The following DTX2 variants were observed in gnomAD, a reference collection of about 807,000 sequenced individuals.
The protein encoded by DTX2 is deltex E3 ubiquitin ligase 2.
DTX2 carries 29 observed loss-of-function variants against 55.3 expected under a neutral mutation model. The observed-to-expected ratio is 0.52, with a 90% CI of 0.39 to 0.71. The LOEUF is 0.71. Among genes scored for constraint, DTX2 ranks in the 30% least tolerant of loss-of-function variants. DTX2 has a pLI of 0.00. For synonymous variants in DTX2, 276 were observed against 340.4 expected (o/e 0.81, Z 2.08); for missense variants, 537 against 822.5 (o/e 0.65, Z 4.25).
chr7:76,490,392 T>C lies in DTX2; in HGVS notation c.909-1761T>C, dbSNP rs1810292252. The stretch of plus-strand genomic sequence containing the variant: ...CTTAACTAAAGGTTTTTTTTTTCTT[T>C]CTTGATTTTTCACCAATTTCCCACT... On this transcript the variant is annotated intron_variant, in intron 4 of 10. Coordinates refer to ENST00000430490, the MANE Select transcript of DTX2 (RefSeq NM_001102594.3). Among the ~76,000 whole-genome samples, 3 of 92,646 alleles carry C rather than the reference T, an allele frequency of 3.2e-5. 1 individual carries two copies. Among genetic ancestry groups the C allele is most frequent in the Non-Finnish European group, 6.6e-5 (3 of 45,166 alleles). The allele number at this position is 92,646 out of a possible 152,430, so 60.8% of individuals were successfully genotyped here.
chr7:76,471,440 T>C (rs1322916041), intron 2 of DTX2, among the ~76,000 whole-genome samples: 53 of 150,670 alleles, frequency 3.5e-4, no homozygotes, highest in Non-Finnish European at 5.8e-4. Flanking sequence ...GGATTACAGG[T>C]GTGAGCCACC....
chr7:76,473,197 G>T (rs1808148880), intron 2 of DTX2, among the ~76,000 whole-genome samples: 1 of 151,880 alleles, frequency 6.6e-6, no homozygotes, highest in African/African-American at 2.4e-5. Context: ...TGATATGTTT[G>T]TGTCAGGATT....
At chr7:76,467,891 G>T (rs1275564657) in intron 2 of DTX2, among the ~76,000 whole-genome samples, 7 of 152,372 alleles carry the variant, frequency 4.6e-5, no homozygotes, top group Middle Eastern at 3.4e-3. Context: ...CATTCTCAGT[G>T]GGGGACGAAG....
intron 2 of DTX2, among the ~76,000 whole-genome samples, chr7:76,468,758 A>ATTTTTTTTTTTTTTTTTTTT (rs3972784): frequency 1.2e-3 from 33 of 27,016 alleles, no homozygotes; most frequent in East Asian, 5.1e-3. Context: ...CACGCCCAGC[A>ATTTTTTTTTTTTTTTTTTTT]TTTTTTTTTT....
At chr7:76,466,604 T>C (rs1807211785) in intron 2 of DTX2, among the ~76,000 whole-genome samples, 2 of 148,540 alleles carry the variant, frequency 1.3e-5, no homozygotes, top group African/African-American at 2.5e-5. Flanking sequence ...TTTTTTTTTT[T>C]CTTTGAGGCA....
At chr7:76,474,181 TTTTTTC>T (rs147079258) in intron 2 of DTX2, among the ~76,000 whole-genome samples, 35 of 146,784 alleles carry the variant, frequency 2.4e-4, no homozygotes, top group South Asian at 1.9e-3. Flanking sequence ...GCCTACTTTT[TTTTTTC>T]TTTTTCTTTT....
intron 2 of DTX2, among the ~76,000 whole-genome samples, chr7:76,477,872 C>T (rs1425996050): frequency 6.7e-6 from 1 of 148,474 alleles, no homozygotes; most frequent in Non-Finnish European, 1.5e-5. Flanking sequence ...GTATGTGTGA[C>T]CTTGAGTTAT....
At chr7:76,504,680 G>C (rs1406713724) in intron 10 of DTX2, among the ~76,000 whole-genome samples, 33 of 152,228 alleles carry the variant, frequency 2.2e-4, no homozygotes, top group Non-Finnish European at 5.9e-5. Flanking sequence ...GGTGGGGTCA[G>C]GAGCTCCTGA....
At chr7:76,495,430 G>A (rs1380135746) in intron 5 of DTX2, among the ~76,000 whole-genome samples, 1 of 152,110 alleles carries the variant, frequency 6.6e-6, no homozygotes, top group Non-Finnish European at 1.5e-5. Flanking sequence ...GTGGCCCTCC[G>A]AGTTATTCAG....
At chr7:76,475,515 C>A (rs1315894773) in intron 2 of DTX2, among the ~76,000 whole-genome samples, 1 of 142,462 alleles carries the variant, frequency 7.0e-6, no homozygotes, top group African/African-American at 2.6e-5. Flanking sequence ...GGCAAAACCA[C>A]ATCTCTACTG....
At chr7:76,502,578 T>G (rs1246392028) in intron 8 of DTX2, 122 bp downstream of exon 8, 1 of 1,156,114 alleles carries the variant, frequency 8.6e-7, no homozygotes, top group East Asian at 2.6e-5. Flanking sequence ...AAGATGGTGC[T>G]GGGCGTGGGG....
rs1355561999 is a variant in DTX2, at chr7:76,505,805, C to T, written c.*204C>T. On this transcript the variant is annotated 3_prime_UTR_variant, in exon 11 of 11. Transcript: ENST00000430490. This position sits in a 1 kb window ranked among gnomAD's most constrained non-coding sequence, Gnocchi z 4.4. Reference sequence around the variant, plus strand: ...TTGGGCAGCCCTGGGCAGTTGTACTCATGGGGGCTTAGGATGCAGCTACCT... The same window carrying T: ...TTGGGCAGCCCTGGGCAGTTGTACTTATGGGGGCTTAGGATGCAGCTACCT... The T allele has an allele frequency of 7.9e-6, 5 of 631,756 alleles. No individual in the cohort carries two copies. The East Asian group carries it at 1.4e-4, about 17-fold the overall frequency. The allele number at this position is 631,756 out of a possible 1,614,324, so 39.1% of individuals were successfully genotyped here.
At chr7:76,500,944 C>CGG in intron 7 of DTX2, among the ~76,000 whole-genome samples, 1 of 152,304 alleles carries the variant, frequency 6.6e-6, no homozygotes, top group East Asian at 1.9e-4. Flanking sequence ...TTCTTAAAGA[C>CGG]GGGTGCACAC....
intron 2 of DTX2, among the ~76,000 whole-genome samples, chr7:76,473,516 A>C (rs1266734804): frequency 9.9e-5 from 11 of 111,278 alleles, no homozygotes; most frequent in African/African-American, 3.7e-4. Context: ...GAACTCTCCC[A>C]TTTTGCAGTC....
intron 2 of DTX2, among the ~76,000 whole-genome samples, chr7:76,473,959 T>C (rs1399361644): frequency 4.7e-4 from 65 of 137,256 alleles, no homozygotes; most frequent in South Asian, 1.3e-3. Flanking sequence ...TTCACTCTTA[T>C]TGCCCAGGCT....
chr7:76,491,296 A>ATT (rs565898747), intron 4 of DTX2, among the ~76,000 whole-genome samples: 5 of 111,530 alleles, frequency 4.5e-5, no homozygotes, highest in East Asian at 2.5e-4. Context: ...GCACCCAGCC[A>ATT]TTTTTTTTTT....
rs779399752 is a variant in DTX2 at position 76,483,084 on chromosome 7, C to T, written c.845C>T (p.Ser282Phe). 3.7e-6 allele frequency: 6 copies of T among 1,613,100 alleles called. No individual in the cohort carries two copies. The highest frequency in any genetic ancestry group is 2.7e-5 in the African/African-American group (2 of 74,924). The change falls in exon 4 of 11, where the codon TCC (serine) becomes TTC (phenylalanine). Residue 282 changes from serine to phenylalanine, a missense_variant. By Grantham distance (155) the Ser-to-Phe change is radical (BLOSUM62 -2). Coordinates refer to ENST00000430490, the MANE Select transcript of DTX2 (RefSeq NM_001102594.3). ...CTGGGGAGCCAGCCCCTCTACCGCTCCAGCCTCTCCCACCTGGGACCGCAG... is the reference window on the plus strand; with the variant it reads ...CTGGGGAGCCAGCCCCTCTACCGCTTCAGCCTCTCCCACCTGGGACCGCAG... The part of the protein sequence containing the change: ...PSLGSQPLYR[S>F]SLSHLGPQHL...
Position 76,480,599 on chromosome 7 carries a change from C to G in DTX2, c.90C>G (p.Thr30=). ...GGGAATGGCAGGACGGGCTGGGCAC[C>G]TGGCACCCCTACAGTGCCACCGTCT... ...AVWEWQDGLG[T]WHPYSATVCS... The change falls in exon 3 of 11, where the codon ACC becomes ACG. Residue 30 remains threonine (T), a synonymous_variant. Coordinates refer to ENST00000430490, the MANE Select transcript of DTX2 (RefSeq NM_001102594.3). 1.9e-6 allele frequency: 3 copies of G among 1,613,156 alleles called. No homozygotes were observed. The highest frequency in any genetic ancestry group is 2.5e-6 in the Non-Finnish European group (3 of 1,179,962).
intron 4 of DTX2, among the ~76,000 whole-genome samples, chr7:76,491,305 T>C (rs1810415878): frequency 6.8e-6 from 1 of 147,150 alleles, no homozygotes; most frequent in Non-Finnish European, 1.5e-5. Flanking sequence ...CATTTTTTTT[T>C]TTTTTTTGAG....
Sources: allele counts gnomAD v4.1 joint callset (sites outside exome capture counted in the v4.1 genomes callset), GRCh38; gene constraint gnomAD v4.1.1; non-coding constraint Gnocchi (gnomAD v3.1); transcripts MANE v1.5; gene names NCBI Gene and HGNC (gene_info 2026-07-23, HGNC 2026-07-21).